Variants in RPL22 observed in about 807,000 individuals in gnomAD.
RPL22 encodes the protein large ribosomal subunit protein eL22.
Under a neutral mutation model 16.2 loss-of-function variants are expected in RPL22, and 4 were observed. The observed-to-expected ratio is 0.25, with a 90% CI of 0.12 to 0.57. The LOEUF is 0.57. RPL22 is among the 20% of genes least tolerant of loss of function. The probability of loss-of-function intolerance (pLI) is 0.92; values close to 1 mark genes in which losing one functional copy is unlikely to be tolerated. For synonymous variants in RPL22, 43 were observed against 54.8 expected (o/e 0.78, Z 0.95); for missense variants, 83 against 156.1 (o/e 0.53, Z 2.49).
At chr1:6,193,663 T>C (rs1667681564) in intron 2 of RPL22, among the ~76,000 whole-genome samples, 1 of 149,460 alleles carries the variant, frequency 6.7e-6, no homozygotes, top group Non-Finnish European at 1.5e-5. Flanking sequence ...GTTGGCTAGA[T>C]TGGTCTCAAA....
chr1:6,197,541 A>G (rs1280183655), intron 2 of RPL22, 111 bp downstream of exon 2: 1 of 681,240 alleles, frequency 1.5e-6, no homozygotes, highest in Non-Finnish European at 2.6e-6. Context: ...ATACAGCCAG[A>G]CCTGTGAAGC....
intron 2 of RPL22, among the ~76,000 whole-genome samples, chr1:6,197,218 G>A (rs1667731886): frequency 6.6e-6 from 1 of 152,204 alleles, no homozygotes; most frequent in Non-Finnish European, 1.5e-5. Context: ...TTTTAGTGGA[G>A]ACGGGGTTTC....
At chr1:6,198,933 A>C (rs1394109842) in intron 1 of RPL22, 1 of 152,264 alleles carries the variant, frequency 6.6e-6, no homozygotes, top group African/African-American at 2.4e-5. Flanking sequence ...ACACGGAAAA[A>C]CAACTTTCTC....
intron 3 of RPL22, among the ~76,000 whole-genome samples, chr1:6,190,708 T>A (rs1667638802): frequency 6.6e-6 from 1 of 152,178 alleles, no homozygotes. Flanking sequence ...GCTGAGTATA[T>A]GCATATCCAA....
chr1:6,189,556 C>T (rs532690450), intron 3 of RPL22, among the ~76,000 whole-genome samples: 2 of 133,448 alleles, frequency 1.5e-5, no homozygotes, highest in African/African-American at 3.0e-5. Flanking sequence ...AAGACCCTAT[C>T]TAAAAAAAAG....
chr1:6,192,818 G>A, intron 3 of RPL22, 112 bp downstream of exon 3: 5 of 1,318,962 alleles, frequency 3.8e-6, no homozygotes, highest in Non-Finnish European at 5.3e-6. Context: ...CATAGTTCCA[G>A]AAATTAACAG....
intron 2 of RPL22, among the ~76,000 whole-genome samples, chr1:6,194,931 G>T: frequency 6.6e-6 from 1 of 152,174 alleles, no homozygotes; most frequent in South Asian, 2.1e-4. Context: ...GAGGTCAGGA[G>T]ATCGAGACCA....
intron 2 of RPL22, among the ~76,000 whole-genome samples, chr1:6,194,697 G>C (rs1040318201): frequency 6.6e-6 from 1 of 152,094 alleles, no homozygotes; most frequent in Non-Finnish European, 1.5e-5. Flanking sequence ...GACGAGCCTG[G>C]GCAACTTAGG....
intron 1 of RPL22, chr1:6,199,182 C>A (rs1041078059): frequency 3.7e-5 from 9 of 241,586 alleles, no homozygotes; most frequent in Non-Finnish European, 6.3e-5. Flanking sequence ...CGTGGACTTC[C>A]GAATGCGCGG....
chr1:6,194,104 G>A (rs928656611), intron 2 of RPL22, among the ~76,000 whole-genome samples: 1 of 152,196 alleles, frequency 6.6e-6, no homozygotes, highest in Non-Finnish European at 1.5e-5. Context: ...TACTCAGGAG[G>A]CTGAGACAGG....
At chr1:6,195,087 A>T (rs556300112) in intron 2 of RPL22, among the ~76,000 whole-genome samples, 1 of 151,638 alleles carries the variant, frequency 6.6e-6, no homozygotes, top group Non-Finnish European at 1.5e-5. Context: ...CAGTGAGCCA[A>T]GATCGTGCCA....
At chr1:6,198,182 T>C in intron 1 of RPL22, 1 of 192,722 alleles carries the variant, frequency 5.2e-6, no homozygotes, top group Non-Finnish European at 1.1e-5. Context: ...ATACCCACAA[T>C]TTTCATATGA....
intron 3 of RPL22, among the ~76,000 whole-genome samples, chr1:6,190,955 G>T (rs1361569065): frequency 2.0e-5 from 3 of 152,168 alleles, no homozygotes. Flanking sequence ...AGACACAGTG[G>T]TTCATGCCTG....
chr1:6,189,606 T>A (rs892242030), intron 3 of RPL22, among the ~76,000 whole-genome samples: 15 of 117,756 alleles, frequency 1.3e-4, no homozygotes, highest in East Asian at 4.7e-4. Context: ...GGGAAAAAAA[T>A]CAGGTTAAAA....
chr1:6,195,717 C>CTCCA (rs1255088460), intron 2 of RPL22, among the ~76,000 whole-genome samples: 1 of 151,706 alleles, frequency 6.6e-6, no homozygotes, highest in African/African-American at 2.4e-5. Flanking sequence ...CACCATTGCA[C>CTCCA]TCCAGCCTGG....
At position 6,185,615 on chromosome 1, in the gene RPL22, G is replaced by A. The variant is rs1355448051; in HGVS notation, c.*1057C>T. The A allele has an allele frequency of 2.7e-5, 10 of 369,204 alleles. No individual in the cohort carries two copies. Among genetic ancestry groups the A allele is most frequent in the Non-Finnish European group, 4.3e-5 (9 of 208,142 alleles). The allele number at this position is 369,204 out of a possible 1,614,324, so 22.9% of individuals were successfully genotyped here. ...TTTAAAAACATGAATTTTAGACACC[G>A]TAAATTCTAATGCAGACACTTTTGC... On this transcript the variant is annotated 3_prime_UTR_variant, in exon 4 of 4. Transcript: ENST00000234875.
At chr1:6,190,299 A>G (rs898864357) in intron 3 of RPL22, among the ~76,000 whole-genome samples, 1 of 152,238 alleles carries the variant, frequency 6.6e-6, no homozygotes, top group Admixed American at 6.5e-5. Context: ...GGACATAGCT[A>G]AACATAAAAG....
chr1:6,193,658 CTAGA>C (rs1667681514), intron 2 of RPL22, among the ~76,000 whole-genome samples: 1 of 151,006 alleles, frequency 6.6e-6, no homozygotes, highest in Non-Finnish European at 1.5e-5. Flanking sequence ...TCTATGTTGG[CTAGA>C]TTGGTCTCAA....
intron 3 of RPL22, among the ~76,000 whole-genome samples, chr1:6,188,292 G>A (rs1667607455): frequency 6.6e-6 from 1 of 152,004 alleles, no homozygotes; most frequent in Admixed American, 6.6e-5. Context: ...TCAGCCTCCC[G>A]AAGTGCTGGG....
Sources: allele counts gnomAD v4.1 joint callset (sites outside exome capture counted in the v4.1 genomes callset), GRCh38; gene constraint gnomAD v4.1.1; transcripts MANE v1.5; gene names NCBI Gene and HGNC (gene_info 2026-07-23, HGNC 2026-07-21).